ASAP1: variants seen among roughly 807,000 people sequenced by gnomAD.
ASAP1 encodes arf-GAP with SH3 domain, ANK repeat and PH domain-containing protein 1.
In ASAP1, 43 loss-of-function variants were observed where a neutral mutation model predicts 145.2. That is an observed-to-expected ratio of 0.30 (90% CI 0.23 to 0.38). The LOEUF (loss-of-function observed/expected upper bound fraction) is 0.38. Among genes scored for constraint, ASAP1 ranks in the 10% least tolerant of loss-of-function variants. ASAP1 has a pLI of 1.00. For missense variants in ASAP1, 1,018 were observed against 1,355.3 expected, an observed-to-expected ratio of 0.75 and a Z score of 3.91; for synonymous variants, 546 against 515.5, an observed-to-expected ratio of 1.06 and a Z score of -0.80.
intron 3 of ASAP1, among the ~76,000 whole-genome samples, chr8:130,348,725 T>C (rs760273480): frequency 1.4e-4 from 21 of 152,188 alleles, no homozygotes; most frequent in Admixed American, 2.6e-4. Context: ...TCCTGCCTCC[T>C]AACCAAAATA....
intron 1 of ASAP1, among the ~76,000 whole-genome samples, chr8:130,436,444 C>T (rs1484135854): frequency 6.6e-6 from 1 of 152,174 alleles, no homozygotes; most frequent in Admixed American, 6.5e-5. Flanking sequence ...TACAGGAGTG[C>T]ACCACCATGT....
intron 11 of ASAP1, among the ~76,000 whole-genome samples, chr8:130,162,223 T>C (rs1025337824): frequency 6.6e-6 from 1 of 152,196 alleles, no homozygotes; most frequent in African/African-American, 2.4e-5. Context: ...CTGTACTAAA[T>C]AGCAGACAAG....
intron 4 of ASAP1, among the ~76,000 whole-genome samples, chr8:130,231,997 T>A (rs2136620803): frequency 6.6e-6 from 1 of 152,334 alleles, no homozygotes; most frequent in East Asian, 1.9e-4. Flanking sequence ...GGGGTTAGAT[T>A]TGCTTCTACG....
rs1365261000 is a variant in ASAP1, at chr8:130,276,734, T to TCTCTCTCTCC, written c.187-39741_187-39740insGGAGAGAGAG. Among the ~76,000 whole-genome samples, 3 of 109,782 alleles carry TCTCTCTCTCC rather than the reference T, an allele frequency of 2.7e-5. No individual in the cohort carries two copies. In the East Asian group the frequency reaches 8.4e-4, roughly 31 times the overall value. The allele number at this position is 109,782 out of a possible 152,430, so 72.0% of individuals were successfully genotyped here. Reference sequence around the variant, plus strand: ...CACACACACACACACACACACTCTCTCTCTCTCTCTCTCTCTCTCTCTCTC... The same window carrying TCTCTCTCTCC: ...CACACACACACACACACACACTCTCTCTCTCTCTCCCTCTCTCTCTCTCTCTCTCTCTCTC... On this transcript the variant is annotated intron_variant, in intron 3 of 29. Coordinates refer to ENST00000518721, the MANE Select transcript of ASAP1 (RefSeq NM_018482.4).
chr8:130,131,602 TG>T (rs1564996413), intron 15 of ASAP1, among the ~76,000 whole-genome samples: 1 of 59,766 alleles, frequency 1.7e-5, no homozygotes, highest in African/African-American at 8.7e-5. Context: ...TCATGGCTAC[TG>T]AAAAAAAAAA....
chr8:130,153,349 ATATATATATG>A (rs1243880854), intron 12 of ASAP1, among the ~76,000 whole-genome samples: 29 of 49,248 alleles, frequency 5.9e-4, no homozygotes, highest in Admixed American at 1.7e-3. Context: ...ATATATATAT[ATATATATATG>A]TATATATATA....
chr8:130,156,379 C>T (rs988080047), intron 12 of ASAP1, among the ~76,000 whole-genome samples: 7 of 152,236 alleles, frequency 4.6e-5, no homozygotes, highest in Admixed American at 1.3e-4. Flanking sequence ...TGACTTCCAA[C>T]CTCCTTTCCA....
At chr8:130,212,592 A>C (rs758355979) in intron 5 of ASAP1, among the ~76,000 whole-genome samples, 13 of 152,232 alleles carry the variant, frequency 8.5e-5, no homozygotes, top group Non-Finnish European at 1.8e-4. Flanking sequence ...CCTCATCTGG[A>C]TTAAAGGTAC....
At chr8:130,298,548 G>A (rs1027298330) in intron 3 of ASAP1, among the ~76,000 whole-genome samples, 1 of 152,120 alleles carries the variant, frequency 6.6e-6, no homozygotes, top group Admixed American at 6.5e-5. Context: ...CAGTCACAAT[G>A]GTCCTTCTAA....
rs57123447 is a variant in ASAP1, at chr8:130,174,091, C to CAAA, written c.747-5027_747-5025dup. On this transcript the variant is annotated intron_variant, in intron 9 of 29. Transcript: ENST00000518721. ...TGACAGAGTGGCAAGACTCCGTCTC[C>CAAA]AAAAAAAAAAAAAAAAAAAAAAAAA... Among the ~76,000 whole-genome samples, 79 of 62,742 alleles carry CAAA rather than the reference C, an allele frequency of 1.3e-3. 2 individuals are homozygous for CAAA. Among genetic ancestry groups the CAAA allele is most frequent in the African/African-American group, 4.3e-3 (68 of 15,802 alleles). 41.2% of individuals were successfully genotyped at this position (62,742 alleles called of 152,430 possible).
chr8:130,131,344 T>C (rs1256566524), intron 15 of ASAP1, among the ~76,000 whole-genome samples: 3 of 152,126 alleles, frequency 2.0e-5, no homozygotes, highest in Non-Finnish European at 4.4e-5. Flanking sequence ...GCAGTGAAAC[T>C]GCCTCTATGT....
chr8:130,267,103 A>AAAC (rs1183086782), intron 3 of ASAP1, among the ~76,000 whole-genome samples: 2 of 110,256 alleles, frequency 1.8e-5, no homozygotes, highest in African/African-American at 6.2e-5. Context: ...ACTCTGTCTC[A>AAAC]AAACAAACAA....
chr8:130,072,818 T>C (rs879581851), intron 27 of ASAP1, among the ~76,000 whole-genome samples: 2,643 of 26,244 alleles, frequency 0.1, 240 homozygotes, highest in East Asian at 0.44. Context: ...TGTGTGTGTG[T>C]GTGTGTGCGC....
chr8:130,127,132 A>G (rs1373164861), intron 16 of ASAP1, among the ~76,000 whole-genome samples: 2 of 152,222 alleles, frequency 1.3e-5, no homozygotes, highest in African/African-American at 2.4e-5. Context: ...GGCGACTTCA[A>G]TGTGATACAG....
chr8:130,309,486 T>C (rs1255642476), intron 3 of ASAP1, among the ~76,000 whole-genome samples: 1 of 152,058 alleles, frequency 6.6e-6, no homozygotes, highest in Non-Finnish European at 1.5e-5. Context: ...AATGGACACA[T>C]CATAAGATGA....
chr8:130,183,164 T>C (rs1814485610), intron 7 of ASAP1, among the ~76,000 whole-genome samples: 1 of 152,048 alleles, frequency 6.6e-6, no homozygotes, highest in South Asian at 2.1e-4. Flanking sequence ...TAAAACCTTT[T>C]ACAGAGACAA....
At chr8:130,105,508 A>G (rs886130770) in intron 24 of ASAP1, among the ~76,000 whole-genome samples, 1 of 152,138 alleles carries the variant, frequency 6.6e-6, no homozygotes, top group Non-Finnish European at 1.5e-5. Flanking sequence ...TCTCTTAGCA[A>G]TTTTCAAGAA....
chr8:130,172,680 T>C (rs1043530341), intron 9 of ASAP1, among the ~76,000 whole-genome samples: 6 of 152,196 alleles, frequency 3.9e-5, no homozygotes, highest in African/African-American at 4.8e-5. Context: ...ATTTCCACCA[T>C]AGCAGAAAGT....
At chr8:130,422,518 G>A (rs541935324) in intron 1 of ASAP1, among the ~76,000 whole-genome samples, 9 of 151,974 alleles carry the variant, frequency 5.9e-5, no homozygotes, top group Admixed American at 2.0e-4. Context: ...CCCTTGCCTC[G>A]GGCTTCTCTG....
Sources: gnomAD v4.1 joint callset for allele counts (sites outside exome capture counted in the v4.1 genomes callset) on GRCh38, gnomAD v4.1.1 for gene constraint, MANE v1.5 for transcripts, NCBI Gene and HGNC (gene_info 2026-07-23, HGNC 2026-07-21) for gene names.